The following XPO4 variants were observed in gnomAD, a reference collection of about 807,000 sequenced individuals.
The protein encoded by XPO4 is exportin-4.
A neutral mutation model predicts 143.0 loss-of-function variants in XPO4; 39 were observed. The observed-to-expected ratio is 0.27, with a 90% CI of 0.21 to 0.36. XPO4 has a LOEUF of 0.36. XPO4 is among the 10% of genes least tolerant of loss of function. The pLI is 1.00. For synonymous variants in XPO4, 439 were observed against 474.0 expected (o/e 0.93, Z 0.96); for missense variants, 907 against 1,348.0 (o/e 0.67, Z 5.12).
In XPO4 at chr13:20,783,899, G is replaced by T. The variant is rs556740026; in HGVS notation, c.3279C>A (p.Val1093=). 15 of 1,613,904 alleles carry T rather than the reference G, an allele frequency of 9.3e-6. No homozygotes were observed. The highest frequency in any genetic ancestry group is 5.3e-5 in the African/African-American group (4 of 74,868). Residue 1093 remains valine (V), a synonymous_variant, in exon 23 of 23, where the codon GTC becomes GTA. Transcript: ENST00000255305. ...CTTGCTGACTTGATAGTAATGTTTC[G>T]ACCAGTTCAGAATATTCAGCCTATT... The part of the protein sequence containing the change: ...CLHQAEYSEL[V]ETLLSSQQDP...
chr13:20,790,598 T>G lies in XPO4; in HGVS notation c.2798-18A>C, dbSNP rs550355124. ...CACTTCATCTATTAAAATAAAAGGA[T>G]GCAGGCTTATGGTGGTAACATCAAT... On this transcript the variant is annotated intron_variant, in intron 18 of 22. Transcript: ENST00000255305. 22 of 1,588,696 alleles carry G rather than the reference T, an allele frequency of 1.4e-5. No homozygotes were observed. In the South Asian group the frequency reaches 2.1e-4, roughly 15 times the overall value.
At chr13:20,788,950 G>GGTT (rs1238252277) in intron 19 of XPO4, among the ~76,000 whole-genome samples, 1 of 152,172 alleles carries the variant, frequency 6.6e-6, no homozygotes, top group African/African-American at 2.4e-5. Flanking sequence ...TAACTTAGGA[G>GGTT]TAAAACCTTT....
intron 18 of XPO4, 52 bp from the exon 19 acceptor site, chr13:20,790,632 C>T (rs2059267999): frequency 7.1e-7 from 1 of 1,406,906 alleles, no homozygotes; most frequent in African/African-American, 1.4e-5. Context: ...ATAAATCTTC[C>T]AAGTGTGTAT....
chr13:20,875,372 A>G (rs1595153096), intron 1 of XPO4, among the ~76,000 whole-genome samples: 1 of 152,330 alleles, frequency 6.6e-6, no homozygotes, highest in South Asian at 2.1e-4. Flanking sequence ...AACAAATTTG[A>G]GAGTCACTGC....
intron 9 of XPO4, among the ~76,000 whole-genome samples, chr13:20,815,869 T>C (rs1306934629): frequency 5.9e-5 from 9 of 152,172 alleles, no homozygotes; most frequent in African/African-American, 1.4e-4. Context: ...CCCAAAACAC[T>C]GGCTGGGAAG....
chr13:20,802,561 A>G (rs1460333121), intron 13 of XPO4, among the ~76,000 whole-genome samples: 2 of 152,224 alleles, frequency 1.3e-5, no homozygotes, highest in Non-Finnish European at 1.5e-5. Flanking sequence ...GCCTAACAAA[A>G]TTCAAAAGAA....
At chr13:20,864,809 T>C (rs187889093) in intron 2 of XPO4, among the ~76,000 whole-genome samples, 1 of 151,858 alleles carries the variant, frequency 6.6e-6, no homozygotes, top group African/African-American at 2.4e-5. Flanking sequence ...GACCTCTGCA[T>C]GGTATTAAAT....
At chr13:20,867,347 T>C (rs1317784333) in intron 2 of XPO4, among the ~76,000 whole-genome samples, 1 of 152,234 alleles carries the variant, frequency 6.6e-6, no homozygotes, top group African/African-American at 2.4e-5. Flanking sequence ...GAACACAGCA[T>C]TTTTAAAGCC....
At chr13:20,852,597 T>C (rs2060100018) in intron 4 of XPO4, 2 of 968,798 alleles carry the variant, frequency 2.1e-6, no homozygotes, top group Non-Finnish European at 2.5e-6. Context: ...TTATATTTGG[T>C]ATATTTGAAT....
chr13:20,881,291 CAG>C (rs778713372), intron 1 of XPO4, among the ~76,000 whole-genome samples: 13 of 151,060 alleles, frequency 8.6e-5, no homozygotes, highest in African/African-American at 1.5e-4. Context: ...TTTTTTGAAA[CAG>C]AGTCTCGCTC....
chr13:20,875,162 T>C (rs1566620847), intron 1 of XPO4, among the ~76,000 whole-genome samples: 1 of 152,192 alleles, frequency 6.6e-6, no homozygotes, highest in Non-Finnish European at 1.5e-5. Flanking sequence ...AAATTTTAAG[T>C]TAGTGATAAA....
chr13:20,814,283 T>A (rs1363619215), intron 9 of XPO4, among the ~76,000 whole-genome samples: 1 of 152,096 alleles, frequency 6.6e-6, no homozygotes, highest in African/African-American at 2.4e-5. Flanking sequence ...GTGGTTTAAT[T>A]ATTCATATAC....
intron 4 of XPO4, among the ~76,000 whole-genome samples, chr13:20,855,311 C>T (rs1456481201): frequency 4.0e-5 from 6 of 151,842 alleles, no homozygotes; most frequent in Non-Finnish European, 8.8e-5. Context: ...CAAAATTAGC[C>T]AGGTGTGGTG....
At chr13:20,876,016 G>A (rs1037458061) in intron 1 of XPO4, among the ~76,000 whole-genome samples, 12 of 150,504 alleles carry the variant, frequency 8.0e-5, no homozygotes, top group African/African-American at 2.0e-4. Context: ...TTGGGAGGCC[G>A]AGGCAGGTGG....
At chr13:20,835,254 AG>A (rs2138029769) in intron 6 of XPO4, among the ~76,000 whole-genome samples, 1 of 152,374 alleles carries the variant, frequency 6.6e-6, no homozygotes, top group South Asian at 2.1e-4. Context: ...AAGAGAGGAC[AG>A]AAGAAAATAC....
chr13:20,894,005 G>C (rs1389484817), intron 1 of XPO4, among the ~76,000 whole-genome samples: 1 of 151,984 alleles, frequency 6.6e-6, no homozygotes, highest in Non-Finnish European at 1.5e-5. Context: ...CACCACACCA[G>C]CTAATTTTGT....
intron 2 of XPO4, among the ~76,000 whole-genome samples, chr13:20,865,240 G>A (rs1410077356): frequency 6.6e-6 from 1 of 151,846 alleles, no homozygotes; most frequent in African/African-American, 2.4e-5. Context: ...CCGGGTTCAA[G>A]TGATTCTCCT....
At chr13:20,896,424 G>A (rs772815129) in intron 1 of XPO4, among the ~76,000 whole-genome samples, 1 of 152,112 alleles carries the variant, frequency 6.6e-6, no homozygotes, top group African/African-American at 2.4e-5. Context: ...CAAATAAGCT[G>A]TATCATGTTC....
At chr13:20,784,928 T>G (rs1566551032) in intron 22 of XPO4, among the ~76,000 whole-genome samples, 2 of 151,748 alleles carry the variant, frequency 1.3e-5, no homozygotes, top group Non-Finnish European at 2.9e-5. Context: ...GGCAACAGAG[T>G]GAGATCCTGT....
Sources: gnomAD v4.1 joint callset for allele counts (sites outside exome capture counted in the v4.1 genomes callset) on GRCh38, gnomAD v4.1.1 for gene constraint, MANE v1.5 for transcripts, NCBI Gene and HGNC (gene_info 2026-07-23, HGNC 2026-07-21) for gene names.